EXOC6B: variants seen among roughly 807,000 people sequenced by gnomAD.
The protein encoded by EXOC6B is SEC15 homolog B.
Under a neutral mutation model 113.5 loss-of-function variants are expected in EXOC6B, and 54 were observed. The observed-to-expected ratio is 0.48, with a 90% CI of 0.38 to 0.60. The LOEUF (loss-of-function observed/expected upper bound fraction) is 0.60. EXOC6B is among the 20% of genes least tolerant of loss of function. The probability of loss-of-function intolerance (pLI) is 0.00; values close to 1 mark genes in which losing one functional copy is unlikely to be tolerated. For synonymous variants in EXOC6B, 357 were observed against 339.0 expected, an observed-to-expected ratio of 1.05 and a Z score of -0.58; for missense variants, 797 against 977.5, an observed-to-expected ratio of 0.82 and a Z score of 2.46.
At chr2:72,574,972 T>C (rs187616768) in intron 7 of EXOC6B, among the ~76,000 whole-genome samples, 17 of 152,354 alleles carry the variant, frequency 1.1e-4, no homozygotes, top group Admixed American at 1.1e-3. Context: ...GTTATGAATA[T>C]GTCACAAAAT....
At chr2:72,448,302 T>C (rs1345667456) in intron 18 of EXOC6B, among the ~76,000 whole-genome samples, 1 of 152,198 alleles carries the variant, frequency 6.6e-6, no homozygotes, top group Non-Finnish European at 1.5e-5. Context: ...TTCATCTTTT[T>C]GAAGAACATA....
At chr2:72,596,137 T>C (rs574995561) in intron 6 of EXOC6B, among the ~76,000 whole-genome samples, 2 of 152,268 alleles carry the variant, frequency 1.3e-5, no homozygotes, top group Admixed American at 6.5e-5. Context: ...AACAGACTTC[T>C]GGTTTCAGCT....
At chr2:72,531,355 C>T (rs565246660) in intron 8 of EXOC6B, among the ~76,000 whole-genome samples, 1 of 152,286 alleles carries the variant, frequency 6.6e-6, no homozygotes, top group Non-Finnish European at 1.5e-5. Context: ...CCCTTTACAT[C>T]TCTATCCTCC....
In EXOC6B at chr2:72,480,639, GCTTGGTAGTGTGAA is replaced by G; in HGVS notation, c.1763_1776del (p.Val588AlafsTer8). ...ACCTTAAAAGTTGTGGTGCCATAGA[GCTTGGTAGTGTGAA>G]CTGTCTCTGGAAGCACATTAGTGAT... On this transcript the variant is annotated frameshift_variant, in exon 17 of 22. Coordinates refer to ENST00000272427, the MANE Select transcript of EXOC6B (RefSeq NM_015189.3). LOFTEE classifies it high-confidence loss of function. 1 of 1,585,962 alleles carries G rather than the reference GCTTGGTAGTGTGAA, an allele frequency of 6.3e-7. No individual in the cohort carries two copies. The highest frequency in any genetic ancestry group is 8.6e-7 in the Non-Finnish European group (1 of 1,164,390).
chr2:72,699,669 G>A (rs1042453116), intron 6 of EXOC6B, among the ~76,000 whole-genome samples: 2 of 152,022 alleles, frequency 1.3e-5, no homozygotes, highest in African/African-American at 2.4e-5. Flanking sequence ...AGAGGTAAAG[G>A]AAAGGTACAA....
At chr2:72,216,326 G>C (rs912254001) in intron 20 of EXOC6B, among the ~76,000 whole-genome samples, 22 of 152,190 alleles carry the variant, frequency 1.4e-4, no homozygotes, top group African/African-American at 5.1e-4. Flanking sequence ...CTGATCATTA[G>C]AGAAATGCAA....
chr2:72,462,566 T>C (rs1419995990), intron 18 of EXOC6B: 2 of 151,682 alleles, frequency 1.3e-5, no homozygotes, highest in Non-Finnish European at 2.9e-5. Context: ...ATTGGGGGAG[T>C]GAGTTTGTCC....
At chr2:72,790,934 C>G (rs1684638117) in intron 1 of EXOC6B, among the ~76,000 whole-genome samples, 1 of 151,960 alleles carries the variant, frequency 6.6e-6, no homozygotes, top group African/African-American at 2.4e-5. Flanking sequence ...TTACTAGAGG[C>G]TGGGAACAGA....
At chr2:72,726,135 G>C (rs866108058) in intron 5 of EXOC6B, among the ~76,000 whole-genome samples, 12 of 152,116 alleles carry the variant, frequency 7.9e-5, no homozygotes, top group African/African-American at 2.7e-4. Flanking sequence ...GACACAAAAG[G>C]CTGCATATTG....
chr2:72,791,344 G>C (rs1348523746), intron 1 of EXOC6B, among the ~76,000 whole-genome samples: 3 of 152,126 alleles, frequency 2.0e-5, no homozygotes, highest in Non-Finnish European at 4.4e-5. Flanking sequence ...TGGAGTTCAA[G>C]CCCAGCCTGG....
chr2:72,498,693 T>A (rs1232574358), intron 12 of EXOC6B, 142 bp from the exon 13 acceptor site: 3 of 587,378 alleles, frequency 5.1e-6, no homozygotes, highest in Non-Finnish European at 8.9e-6. Context: ...AACCATTTAG[T>A]AGAATCTTTC....
At chr2:72,663,052 C>T (rs921211164) in intron 6 of EXOC6B, among the ~76,000 whole-genome samples, 2 of 152,112 alleles carry the variant, frequency 1.3e-5, no homozygotes, top group African/African-American at 4.8e-5. Flanking sequence ...ACTGCACCTA[C>T]CCTAAGACCC....
In EXOC6B at chr2:72,496,525, G is replaced by A. The variant is rs755084255; in HGVS notation, c.1372C>T (p.Pro458Ser). 72 of 1,581,344 alleles carry A rather than the reference G, an allele frequency of 4.6e-5. 1 individual carries two copies. The South Asian group carries it at 7.7e-4, about 17-fold the overall frequency. The change falls in exon 14 of 22, where the codon CCA becomes TCA. Residue 458 changes from proline to serine, a missense_variant. Physicochemically the swap from Pro to Ser is moderately conservative, Grantham distance 74. Transcript: ENST00000272427. The stretch of plus-strand genomic sequence containing the variant: ...TTGTACATCTCTTCACTTGTTACTG[G>A]TATAGGACTGTAGTTGTCAGAATCA... Reference protein sequence around the residue: ...ILDSDNYSPIPVTSEEMYKKV... With the variant: ...ILDSDNYSPISVTSEEMYKKV...
At chr2:72,267,048 C>T (rs1469847047) in intron 20 of EXOC6B, among the ~76,000 whole-genome samples, 1 of 152,070 alleles carries the variant, frequency 6.6e-6, no homozygotes, top group East Asian at 1.9e-4. Flanking sequence ...CATGATTTGG[C>T]TCTCTGTTTG....
At chr2:72,439,326 G>T (rs146533381) in intron 18 of EXOC6B, among the ~76,000 whole-genome samples, 8 of 152,230 alleles carry the variant, frequency 5.3e-5, no homozygotes, top group African/African-American at 1.9e-4. Flanking sequence ...CCTGAAATAC[G>T]TTTTCCATAT....
chr2:72,780,892 C>G (rs892356038), intron 1 of EXOC6B, among the ~76,000 whole-genome samples: 1 of 152,024 alleles, frequency 6.6e-6, no homozygotes, highest in Non-Finnish European at 1.5e-5. Flanking sequence ...TAAGAAAGTC[C>G]TTGTTAGGTT....
At chr2:72,236,078 A>T (rs1206743329) in intron 20 of EXOC6B, among the ~76,000 whole-genome samples, 2 of 152,198 alleles carry the variant, frequency 1.3e-5, no homozygotes, top group Non-Finnish European at 2.9e-5. Context: ...ACAAAAAGTG[A>T]TGTCTAGAAG....
At chr2:72,666,988 G>C (rs540204330) in intron 6 of EXOC6B, among the ~76,000 whole-genome samples, 1 of 151,792 alleles carries the variant, frequency 6.6e-6, no homozygotes. Context: ...TCAGCCTCCC[G>C]AGTAGCTGGG....
At chr2:72,344,143 C>G (rs955070265) in intron 19 of EXOC6B, among the ~76,000 whole-genome samples, 1 of 152,242 alleles carries the variant, frequency 6.6e-6, no homozygotes, top group Admixed American at 6.5e-5. Context: ...CTATTCCTTA[C>G]TCAGTAATCT....
Sources: gnomAD v4.1 joint callset for allele counts (sites outside exome capture counted in the v4.1 genomes callset) on GRCh38, gnomAD v4.1.1 for gene constraint, MANE v1.5 for transcripts, NCBI Gene and HGNC (gene_info 2026-07-23, HGNC 2026-07-21) for gene names.